MAP3K13: variants seen among roughly 807,000 people sequenced by gnomAD.
MAP3K13 encodes the protein mitogen-activated protein kinase kinase kinase 13, also known as leucine zipper-bearing kinase.
MAP3K13 carries 52 observed loss-of-function variants against 104.0 expected under a neutral mutation model. The observed-to-expected ratio is 0.50, with a 90% CI of 0.40 to 0.63. MAP3K13 has a LOEUF of 0.63. Among genes scored for constraint, MAP3K13 ranks in the 20% least tolerant of loss-of-function variants. MAP3K13 has a pLI of 0.00. For missense variants in MAP3K13, 914 were observed against 1,218.5 expected (o/e 0.75, Z 3.72); for synonymous variants, 394 against 442.2 (o/e 0.89, Z 1.37).
At chr3:185,428,259 A>C (rs987718374) in intron 1 of MAP3K13, among the ~76,000 whole-genome samples, 2 of 152,050 alleles carry the variant, frequency 1.3e-5, no homozygotes, top group African/African-American at 4.8e-5. Context: ...TTTCTAAGTT[A>C]ATGTTGTATA....
At chr3:185,295,809 A>G (rs1720901656) in intron 2 of MAP3K13, among the ~76,000 whole-genome samples, 2 of 152,204 alleles carry the variant, frequency 1.3e-5, no homozygotes, top group Non-Finnish European at 2.9e-5. Context: ...ATTACACTGT[A>G]TGCCCAGTGT....
chr3:185,373,024 C>G (rs1724233456), intron 1 of MAP3K13, among the ~76,000 whole-genome samples: 1 of 152,134 alleles, frequency 6.6e-6, no homozygotes. Context: ...AAATTCTTTA[C>G]ATTGACAAAT....
chr3:185,481,480 C>T (rs947864224), intron 13 of MAP3K13, among the ~76,000 whole-genome samples: 11 of 140,038 alleles, frequency 7.9e-5, no homozygotes, highest in Non-Finnish European at 1.4e-4. Flanking sequence ...ACAGTGAGAC[C>T]CTGTCTCTGA....
chr3:185,301,104 A>C lies in MAP3K13; in HGVS notation c.-86+15461A>C, dbSNP rs530324597. 5.4e-3 allele frequency among the ~76,000 whole-genome samples: 313 copies of C among 58,090 alleles called. 2 individuals carry two copies. The highest frequency in any genetic ancestry group is 0.013 in the African/African-American group (290 of 21,790). 38.1% of individuals were successfully genotyped at this position (58,090 alleles called of 152,430 possible). ...CTCCAAGTACTCTACATCCTTACCAACACTTATTATTTTTATTTATTTATT... is the reference window on the plus strand; with the variant it reads ...CTCCAAGTACTCTACATCCTTACCACCACTTATTATTTTTATTTATTTATT... On this transcript the variant is annotated intron_variant, in intron 2 of 14. Transcript: ENST00000424227.
intron 1 of MAP3K13, among the ~76,000 whole-genome samples, chr3:185,402,532 T>G (rs184952892): frequency 6.6e-6 from 1 of 152,326 alleles, no homozygotes; most frequent in African/African-American, 2.4e-5. Context: ...CATTATAAAA[T>G]CATAATGTTC....
At chr3:185,288,391 C>T (rs1234600797) in intron 2 of MAP3K13, among the ~76,000 whole-genome samples, 1 of 149,392 alleles carries the variant, frequency 6.7e-6, no homozygotes, top group East Asian at 1.9e-4. Flanking sequence ...ATATATGTTC[C>T]AGAAATATAT....
intron 1 of MAP3K13, among the ~76,000 whole-genome samples, chr3:185,396,532 A>G (rs1464654722): frequency 6.6e-6 from 1 of 152,194 alleles, no homozygotes; most frequent in Non-Finnish European, 1.5e-5. Flanking sequence ...AAGATCAATT[A>G]TACCTGCTCT....
chr3:185,432,603 T>C (rs1714810986), intron 2 of MAP3K13, among the ~76,000 whole-genome samples: 1 of 152,128 alleles, frequency 6.6e-6, no homozygotes, highest in East Asian at 1.9e-4. Flanking sequence ...TGTCCAGTCT[T>C]AGACTTACTT....
rs1217272104 is a variant in MAP3K13 at position 185,482,621 on chromosome 3, C to T, written c.*165C>T. 12 of 531,856 alleles carry T rather than the reference C, an allele frequency of 2.3e-5. No homozygotes were observed. Among genetic ancestry groups the T allele is most frequent in the East Asian group, 3.0e-5 (1 of 33,782 alleles). 32.9% of individuals were successfully genotyped at this position (531,856 alleles called of 1,614,324 possible). A position where few individuals can be genotyped will look rare whatever the true frequency, so the allele number is the denominator to read the frequency against. On this transcript the variant is annotated 3_prime_UTR_variant, in exon 14 of 14. Coordinates refer to ENST00000265026, the MANE Select transcript of MAP3K13 (RefSeq NM_004721.5). The surrounding 1 kb of genome is among the most constrained non-coding windows in gnomAD (Gnocchi z 4.5). ...CTGCAATAACAGGAACATGAGACTT[C>T]GCAAATCTCTGGAAAATAATATCCA...
intron 3 of MAP3K13, among the ~76,000 whole-genome samples, chr3:185,440,900 C>T (rs1161179512): frequency 1.3e-5 from 2 of 152,226 alleles, no homozygotes; most frequent in Non-Finnish European, 2.9e-5. Flanking sequence ...TAGAGAATTA[C>T]ATATAGTAAT....
chr3:185,464,195 T>C (rs893323822), intron 8 of MAP3K13, among the ~76,000 whole-genome samples: 3 of 152,114 alleles, frequency 2.0e-5, no homozygotes, highest in Non-Finnish European at 4.4e-5. Flanking sequence ...GACAGAGGCA[T>C]GAGAATCACG....
At chr3:185,312,963 G>T (rs560446169) in intron 2 of MAP3K13, among the ~76,000 whole-genome samples, 428 of 152,084 alleles carry the variant, frequency 2.8e-3, no homozygotes, top group Non-Finnish European at 4.5e-3. Flanking sequence ...GCTAAGGCAG[G>T]CAGATCATCT....
At chr3:185,287,414 A>T (rs1720559492) in intron 2 of MAP3K13, among the ~76,000 whole-genome samples, 1 of 152,218 alleles carries the variant, frequency 6.6e-6, no homozygotes, top group African/African-American at 2.4e-5. Flanking sequence ...AACCAGAAAA[A>T]TAATTTATAT....
At chr3:185,350,313 G>A (rs1014276934) in intron 2 of MAP3K13, among the ~76,000 whole-genome samples, 2 of 152,166 alleles carry the variant, frequency 1.3e-5, no homozygotes, top group Non-Finnish European at 2.9e-5. Context: ...AGCCTCCTGA[G>A]TAGCTGGGAT....
chr3:185,389,250 A>T (rs1711889789), intron 1 of MAP3K13, among the ~76,000 whole-genome samples: 1 of 152,126 alleles, frequency 6.6e-6, no homozygotes, highest in Non-Finnish European at 1.5e-5. Flanking sequence ...CATTCTTTCA[A>T]AGGGGTTACA....
intron 10 of MAP3K13, among the ~76,000 whole-genome samples, chr3:185,467,649 G>A (rs538243392): frequency 2.0e-5 from 3 of 152,140 alleles, no homozygotes; most frequent in Admixed American, 2.0e-4. Flanking sequence ...TGGGCGTGGT[G>A]GCACGTGCCT....
chr3:185,325,883 G>A (rs1246809298), intron 2 of MAP3K13, among the ~76,000 whole-genome samples: 3 of 152,162 alleles, frequency 2.0e-5, no homozygotes, highest in Non-Finnish European at 4.4e-5. Flanking sequence ...CTTGGTTCTT[G>A]AGCAAGCCAA....
chr3:185,321,419 T>G (rs1214822788), intron 2 of MAP3K13, among the ~76,000 whole-genome samples: 1 of 152,216 alleles, frequency 6.6e-6, no homozygotes, highest in African/African-American at 2.4e-5. Flanking sequence ...GTAGCTAAGC[T>G]CTAGCTACAG....
chr3:185,398,098 G>A (rs1712532863), intron 1 of MAP3K13, among the ~76,000 whole-genome samples: 1 of 152,122 alleles, frequency 6.6e-6, no homozygotes, highest in Non-Finnish European at 1.5e-5. Flanking sequence ...CAGACTCTGG[G>A]AGGGTTTTGA....
Sources: allele counts gnomAD v4.1 joint callset (sites outside exome capture counted in the v4.1 genomes callset), GRCh38; gene constraint gnomAD v4.1.1; non-coding constraint Gnocchi (gnomAD v3.1); transcripts MANE v1.5; gene names NCBI Gene and HGNC (gene_info 2026-07-23, HGNC 2026-07-21).